The following EPS15 variants were observed in gnomAD, a reference collection of about 807,000 sequenced individuals.
EPS15 encodes epidermal growth factor receptor pathway substrate 15, also known as epidermal growth factor receptor substrate 15.
In EPS15, 72 loss-of-function variants were observed where a neutral mutation model predicts 113.8. The ratio of observed to expected loss-of-function variants is 0.63; its 90% CI spans 0.52 to 0.77. The LOEUF (loss-of-function observed/expected upper bound fraction) is 0.77, where lower values mean the gene tolerates loss of function less well. Ranked by LOEUF, EPS15 falls within the 30% of genes least tolerant of loss-of-function variation. The pLI is 0.00. For synonymous variants in EPS15, 344 were observed against 363.4 expected, an observed-to-expected ratio of 0.95 and a Z score of 0.61; for missense variants, 1,048 against 1,045.8, an observed-to-expected ratio of 1.00 and a Z score of -0.03.
intron 21 of EPS15, chr1:51,382,416 ATT>A (rs71063030): frequency 2.1e-3 from 279 of 134,670 alleles, no homozygotes; most frequent in African/African-American, 7.1e-3. Context: ...CATATTTTTA[ATT>A]TTTTTTTTTT....
intron 12 of EPS15, among the ~76,000 whole-genome samples, chr1:51,435,238 A>C (rs1480826728): frequency 1.3e-5 from 2 of 151,318 alleles, no homozygotes; most frequent in Non-Finnish European, 1.5e-5. Flanking sequence ...CCTAAGCTGG[A>C]GTGATCTCGG....
chr1:51,393,361 C>T (rs376899464), intron 21 of EPS15, among the ~76,000 whole-genome samples: 7 of 152,206 alleles, frequency 4.6e-5, no homozygotes, highest in African/African-American at 1.4e-4. Context: ...AGGCACCCAC[C>T]ACCATACCTG....
At chr1:51,424,149 A>G (rs1482649701) in intron 12 of EPS15, among the ~76,000 whole-genome samples, 1 of 151,402 alleles carries the variant, frequency 6.6e-6, no homozygotes, top group Non-Finnish European at 1.5e-5. Context: ...TATATTGCTA[A>G]ACAGAAAACT....
chr1:51,473,734 T>C (rs181420563), intron 2 of EPS15, among the ~76,000 whole-genome samples: 1 of 152,320 alleles, frequency 6.6e-6, no homozygotes, highest in East Asian at 1.9e-4. Flanking sequence ...TTGTGAGATA[T>C]CTGTTTTTCC....
chr1:51,471,835 G>T, intron 3 of EPS15, 98 bp from the exon 4 acceptor site: 1 of 877,796 alleles, frequency 1.1e-6, no homozygotes. Flanking sequence ...AGGCTCTCTG[G>T]TAATCAGATC....
intron 1 of EPS15, among the ~76,000 whole-genome samples, chr1:51,508,960 A>C (rs1358929104): frequency 6.6e-6 from 1 of 152,180 alleles, no homozygotes; most frequent in Non-Finnish European, 1.5e-5. Context: ...AAAACCATTA[A>C]ATAATTAAAA....
chr1:51,508,338 G>GAGAAAGAGAAAGAGAGAA (rs1553139583), intron 1 of EPS15, among the ~76,000 whole-genome samples: 2 of 122,248 alleles, frequency 1.6e-5, no homozygotes, highest in Non-Finnish European at 3.4e-5. Flanking sequence ...AAGAGAAAGA[G>GAGAAAGAGAAAGAGAGAA]AGAAAGAAAG....
chr1:51,382,955 A>T (rs56161287), intron 21 of EPS15, among the ~76,000 whole-genome samples: 3,334 of 152,308 alleles, frequency 0.022, 32 homozygotes, highest in Middle Eastern at 0.034. Context: ...AAAACTATAG[A>T]TCAATATCCT....
intron 21 of EPS15, among the ~76,000 whole-genome samples, chr1:51,388,934 C>T (rs1473215488): frequency 1.6e-4 from 24 of 152,080 alleles, no homozygotes; most frequent in South Asian, 6.2e-4. Flanking sequence ...TTCCAATCAA[C>T]AGAAAAAGAG....
chr1:51,508,434 A>C (rs1644562755), intron 1 of EPS15, among the ~76,000 whole-genome samples: 1 of 152,110 alleles, frequency 6.6e-6, no homozygotes, highest in African/African-American at 2.4e-5. Context: ...TATTAATAAT[A>C]ATACAAGCAA....
chr1:51,508,890 T>C (rs757621006), intron 1 of EPS15, among the ~76,000 whole-genome samples: 2 of 152,190 alleles, frequency 1.3e-5, no homozygotes, highest in African/African-American at 2.4e-5. Flanking sequence ...TCCTATAGAT[T>C]TATGTTATCC....
chr1:51,445,851 A>G (rs1653002857), intron 10 of EPS15, among the ~76,000 whole-genome samples: 1 of 152,214 alleles, frequency 6.6e-6, no homozygotes, highest in Non-Finnish European at 1.5e-5. Context: ...AGTGGAGATG[A>G]TAACACCCAT....
chr1:51,401,778 G>A (rs1318081930), intron 18 of EPS15, among the ~76,000 whole-genome samples: 3 of 152,246 alleles, frequency 2.0e-5, no homozygotes, highest in South Asian at 2.1e-4. Context: ...CGAGGCAGGC[G>A]GATCACCTTA....
intron 1 of EPS15, among the ~76,000 whole-genome samples, chr1:51,500,185 A>G (rs1337288343): frequency 1.3e-5 from 2 of 152,206 alleles, no homozygotes; most frequent in Non-Finnish European, 2.9e-5. Context: ...TTGTTTACTC[A>G]TTCATCTGTC....
chr1:51,402,637 C>A, intron 17 of EPS15, 112 bp from the exon 18 acceptor site: 1 of 569,318 alleles, frequency 1.8e-6, no homozygotes, highest in South Asian at 2.5e-5. Flanking sequence ...GAAAAATCAA[C>A]TGATGGGCCA....
In EPS15 at chr1:51,373,058, T is replaced by C. The variant is rs548743601; in HGVS notation, c.2120-7029A>G. The C allele has an allele frequency of 3.3e-5, 7 of 210,634 alleles. No homozygotes were observed. In the South Asian group the frequency reaches 4.7e-4, roughly 14 times the overall value. 13.0% of individuals were successfully genotyped at this position (210,634 alleles called of 1,614,324 possible). On this transcript the variant is annotated intron_variant, in intron 21 of 24. Transcript: ENST00000371733. Reference sequence around the variant, plus strand: ...TACTCTGCCTCCCTGACACATTCCATAGTTGCCCTACACAACTTCATCAAC... The same window carrying C: ...TACTCTGCCTCCCTGACACATTCCACAGTTGCCCTACACAACTTCATCAAC...
chr1:51,439,454 T>C (rs1006629177), intron 12 of EPS15, among the ~76,000 whole-genome samples: 12 of 152,034 alleles, frequency 7.9e-5, no homozygotes, highest in African/African-American at 2.9e-4. Context: ...ATATCAGCCA[T>C]TATCTGCTTC....
intron 1 of EPS15, among the ~76,000 whole-genome samples, chr1:51,504,897 G>T (rs1223948674): frequency 6.6e-6 from 1 of 152,144 alleles, no homozygotes; most frequent in Non-Finnish European, 1.5e-5. Context: ...GAAGCGGGTG[G>T]ATCACTTGAG....
At chr1:51,405,348 TA>T (rs112663963) in intron 16 of EPS15, among the ~76,000 whole-genome samples, 5,449 of 151,560 alleles carry the variant, frequency 0.036, 133 homozygotes, top group Non-Finnish European at 0.05. Context: ...TGAGGGTACT[TA>T]AAAAAAAAGT....
Sources: allele counts gnomAD v4.1 joint callset (sites outside exome capture counted in the v4.1 genomes callset), GRCh38; gene constraint gnomAD v4.1.1; transcripts MANE v1.5; gene names NCBI Gene and HGNC (gene_info 2026-07-23, HGNC 2026-07-21).